SMG9: variants seen among roughly 807,000 people sequenced by gnomAD.
SMG9 encodes the protein nonsense-mediated mRNA decay factor SMG9.
Under a neutral mutation model 64.0 loss-of-function variants are expected in SMG9, and 55 were observed. The observed-to-expected ratio is 0.86, with a 90% confidence interval of 0.69 to 1.08. The LOEUF (loss-of-function observed/expected upper bound fraction) is 1.08. Among genes scored for constraint, SMG9 ranks in the 50% least tolerant of loss-of-function variants. SMG9 has a pLI of 0.00. For synonymous variants in SMG9, 244 were observed against 254.8 expected, an observed-to-expected ratio of 0.96 and a Z score of 0.41; for missense variants, 554 against 681.3, an observed-to-expected ratio of 0.81 and a Z score of 2.08.
At chr19:43,746,798 A>G (rs1329298500) in intron 5 of SMG9, among the ~76,000 whole-genome samples, 1 of 148,302 alleles carries the variant, frequency 6.7e-6, no homozygotes, top group African/African-American at 2.5e-5. Flanking sequence ...GTTGACACTG[A>G]GACAGCGTGG....
At position 43,750,885 on chromosome 19, in the gene SMG9, C is replaced by A. The variant is rs1599660790; in HGVS notation, c.-6-138G>T. 8.2e-6 allele frequency: 6 copies of A among 728,524 alleles called. No individual in the cohort carries two copies. In the East Asian group the frequency reaches 1.5e-4, roughly 19 times the overall value. The allele number at this position is 728,524 out of a possible 1,614,324, so 45.1% of individuals were successfully genotyped here. ...TGTCGCCCAGGCTGGAGTACAGTGG[C>A]CTGATCTTGGCTCACTGCAACCTCT... On this transcript the variant is annotated intron_variant, in intron 1 of 13. Coordinates refer to ENST00000270066, the MANE Select transcript of SMG9 (RefSeq NM_019108.4).
At chr19:43,737,467 T>C in intron 9 of SMG9, 130 bp downstream of exon 9, 1 of 713,044 alleles carries the variant, frequency 1.4e-6, no homozygotes, top group East Asian at 2.9e-5. Flanking sequence ...TAGATGGGAG[T>C]GATTTGCTCC....
At position 43,750,683 on chromosome 19, in the gene SMG9, C is replaced by T; in HGVS notation, c.59G>A (p.Trp20Ter). Residue 20 changes from tryptophan (W) to a stop codon, truncating the protein, a stop_gained, in exon 2 of 14, where the codon TGG (tryptophan) becomes TAG (stop). Coordinates refer to ENST00000270066, the MANE Select transcript of SMG9 (RefSeq NM_019108.4). LOFTEE classifies it high-confidence loss of function. Reference sequence around the variant, plus strand: ...GGGGCCACCAGAGCCAGGCTCCTTCCACCGTCGCCGCCGCTCTATCCCATA... The same window carrying T: ...GGGGCCACCAGAGCCAGGCTCCTTCTACCGTCGCCGCCGCTCTATCCCATA... The part of the protein sequence containing the change: ...GLYGIERRRR[W>*]KEPGSGGPQN... 6.2e-7 allele frequency: 1 copy of T among 1,614,108 alleles called. No homozygotes were observed. The highest frequency in any genetic ancestry group is 1.1e-5 in the South Asian group (1 of 91,072).
chr19:43,743,463 T>C (rs1418295286), intron 6 of SMG9, among the ~76,000 whole-genome samples: 3 of 152,188 alleles, frequency 2.0e-5, no homozygotes, highest in Admixed American at 2.0e-4. Flanking sequence ...ACTAGGGACC[T>C]TTTCCCTAGA....
At chr19:43,747,102 G>T (rs1360141146) in intron 5 of SMG9, among the ~76,000 whole-genome samples, 1 of 152,158 alleles carries the variant, frequency 6.6e-6, no homozygotes, top group Non-Finnish European at 1.5e-5. Context: ...ACAGGCATGA[G>T]CCACCAGCAA....
At chr19:43,737,998 G>A (rs1226711191) in intron 8 of SMG9, 124 bp downstream of exon 8, 3 of 912,422 alleles carry the variant, frequency 3.3e-6, no homozygotes, top group Non-Finnish European at 5.3e-6. Context: ...TATAGCCCTT[G>A]GGGCAGCCAG....
chr19:43,733,584 T>G lies in SMG9; in HGVS notation c.1210+42A>C, dbSNP rs562724156. 11 of 1,610,620 alleles carry G rather than the reference T, an allele frequency of 6.8e-6. No individual in the cohort carries two copies. The South Asian group carries it at 1.1e-4, about 16-fold the overall frequency. On this transcript the variant is annotated intron_variant, in intron 11 of 13. Coordinates refer to ENST00000270066, the MANE Select transcript of SMG9 (RefSeq NM_019108.4). ...TGACCCACGGGGTTGGATCAGGAAT[T>G]AGGAGGCTGACTAGCTTGGGGGGTG...
chr19:43,754,129 C>A (rs540147202), intron 1 of SMG9, among the ~76,000 whole-genome samples: 5 of 152,294 alleles, frequency 3.3e-5, no homozygotes, highest in African/African-American at 9.6e-5. Flanking sequence ...TTCACACACT[C>A]CCTTCGGGGA....
chr19:43,744,830 T>C lies in SMG9; in HGVS notation c.643A>G (p.Thr215Ala), dbSNP rs752638245. 1 of 1,613,892 alleles carries C rather than the reference T, an allele frequency of 6.2e-7. No homozygotes were observed. Among genetic ancestry groups the C allele is most frequent in the Admixed American group, 1.7e-5 (1 of 60,004 alleles). The change falls in exon 6 of 14, where the codon ACA (threonine) becomes GCA (alanine). Residue 215 changes from threonine (T) to alanine (A), a missense_variant. Thr to Ala is a moderately conservative substitution (Grantham distance 58). Coordinates refer to ENST00000270066, the MANE Select transcript of SMG9 (RefSeq NM_019108.4). ...AATGACATGACCATGGACTTGCCTG[T>C]CCCCTGGAGGCCCAGGACACCAACC... is the stretch of plus-strand genomic sequence containing the variant. ...LVVGVLGLQG[T>A]GKSMVMSLLS...
intron 12 of SMG9, 124 bp from the exon 13 acceptor site, chr19:43,733,126 C>G: frequency 7.4e-7 from 1 of 1,344,964 alleles, no homozygotes; most frequent in Non-Finnish European, 1.0e-6. Flanking sequence ...TCCTGTACTT[C>G]TATGACTCTG....
In SMG9 at chr19:43,731,341, C is replaced by T. The variant is rs1044933343; in HGVS notation, c.*255G>A. The T allele has an allele frequency of 7.7e-7, 1 of 1,290,922 alleles. No homozygotes were observed. The highest frequency in any genetic ancestry group is 1.5e-5 in the African/African-American group (1 of 65,622). The allele number at this position is 1,290,922 out of a possible 1,614,324, so 80.0% of individuals were successfully genotyped here. ...ATTCAGACTCCTCCCACTGCTTGTC[C>T]CTGTGGAGGACACAGGACGGGCTAC... On this transcript the variant is annotated 3_prime_UTR_variant, in exon 14 of 14. Transcript: ENST00000270066.
intron 11 of SMG9, 54 bp from the exon 12 acceptor site, chr19:43,733,506 G>C: frequency 6.2e-7 from 1 of 1,612,014 alleles, no homozygotes; most frequent in Non-Finnish European, 8.5e-7. Context: ...TTTGGGGAGT[G>C]GGAATTGTTG....
intron 5 of SMG9, among the ~76,000 whole-genome samples, chr19:43,746,856 CTGTT>C (rs1969028083): frequency 6.7e-6 from 1 of 148,692 alleles, no homozygotes; most frequent in Non-Finnish European, 1.5e-5. Context: ...GGGTCTCACT[CTGTT>C]GTTGAGGTTG....
chr19:43,750,795 T>A, intron 1 of SMG9, 48 bp from the exon 2 acceptor site: 1 of 1,545,030 alleles, frequency 6.5e-7, no homozygotes, highest in South Asian at 1.2e-5. Context: ...CTCTTCCTAC[T>A]CTACTTGGCA....
intron 6 of SMG9, among the ~76,000 whole-genome samples, chr19:43,743,790 T>C (rs1968913727): frequency 6.6e-6 from 1 of 152,234 alleles, no homozygotes; most frequent in Non-Finnish European, 1.5e-5. Flanking sequence ...AACAGGACAC[T>C]GTCTCAAAAA....
intron 9 of SMG9, among the ~76,000 whole-genome samples, chr19:43,736,577 G>A (rs978968885): frequency 1.3e-5 from 2 of 152,210 alleles, no homozygotes; most frequent in African/African-American, 4.8e-5. Context: ...GGGCACACGA[G>A]CCTGAAGGAG....
intron 6 of SMG9, among the ~76,000 whole-genome samples, chr19:43,743,778 A>G (rs936881121): frequency 6.6e-6 from 1 of 152,234 alleles, no homozygotes; most frequent in African/African-American, 2.4e-5. Flanking sequence ...CCTGGGTGAA[A>G]GAACAGGACA....
intron 1 of SMG9, among the ~76,000 whole-genome samples, chr19:43,753,041 C>G (rs1969239320): frequency 6.6e-6 from 1 of 152,024 alleles, no homozygotes; most frequent in African/African-American, 2.4e-5. Context: ...CTCCGAGACT[C>G]TCCAGAATGG....
Position 43,747,751 on chromosome 19 carries a change from T to G in SMG9, c.372A>C (p.Pro124=). ...TGASTPEGTA[P]PPPAAPAPPK... is the part of the protein sequence containing the mutation. The stretch of plus-strand genomic sequence containing the variant: ...GTGGCGCAGGGGCTGCAGGGGGTGG[T>G]GGGGCGGTGCCCTCAGGGGTAGAGG... The change falls in exon 4 of 14, where the codon CCA becomes CCC. Residue 124 remains proline, a synonymous_variant. Coordinates refer to ENST00000270066, the MANE Select transcript of SMG9 (RefSeq NM_019108.4). 6.2e-7 allele frequency: 1 copy of G among 1,607,586 alleles called. No individual in the cohort carries two copies. The highest frequency in any genetic ancestry group is 8.5e-7 in the Non-Finnish European group (1 of 1,177,764).
Sources: gnomAD v4.1 joint callset for allele counts (sites outside exome capture counted in the v4.1 genomes callset) on GRCh38, gnomAD v4.1.1 for gene constraint, MANE v1.5 for transcripts, NCBI Gene and HGNC (gene_info 2026-07-23, HGNC 2026-07-21) for gene names.